IGF2BP2: variants seen among roughly 807,000 people sequenced by gnomAD.
The protein encoded by IGF2BP2 is insulin-like growth factor 2 mRNA-binding protein 2.
A neutral mutation model predicts 75.8 loss-of-function variants in IGF2BP2; 17 were observed. That is an observed-to-expected ratio of 0.22 (90% CI 0.15 to 0.34). The LOEUF (loss-of-function observed/expected upper bound fraction) is 0.34, where lower values mean the gene tolerates loss of function less well. Among genes scored for constraint, IGF2BP2 ranks in the 10% least tolerant of loss-of-function variants. The pLI is 1.00. For synonymous variants in IGF2BP2, 288 were observed against 295.6 expected (o/e 0.97, Z 0.26); for missense variants, 516 against 772.4 (o/e 0.67, Z 3.93).
intron 10 of IGF2BP2, among the ~76,000 whole-genome samples, chr3:185,669,574 A>AAAG (rs1322137606): frequency 1.0e-3 from 126 of 124,466 alleles, no homozygotes; most frequent in African/African-American, 3.5e-3. Flanking sequence ...AAAAAAAAAA[A>AAAG]GGGGGGGGGG....
intron 2 of IGF2BP2, among the ~76,000 whole-genome samples, chr3:185,792,399 G>A (rs1051021087): frequency 6.6e-6 from 1 of 152,088 alleles, no homozygotes; most frequent in Non-Finnish European, 1.5e-5. Flanking sequence ...AAGGCCCAGG[G>A]TTTGAAACCA....
At chr3:185,755,251 G>A (rs1009047340) in intron 2 of IGF2BP2, among the ~76,000 whole-genome samples, 5 of 152,192 alleles carry the variant, frequency 3.3e-5, no homozygotes, top group African/African-American at 4.8e-5. Flanking sequence ...CTCCAGCCAC[G>A]GTTCACAGGG....
chr3:185,645,563 G>A lies in IGF2BP2; in HGVS notation c.1768C>T (p.Pro590Ser), dbSNP rs1713364989. 1.9e-6 allele frequency: 3 copies of A among 1,613,552 alleles called. No homozygotes were observed. Among genetic ancestry groups the A allele is most frequent in the African/African-American group, 2.7e-5 (2 of 74,902 alleles). The stretch of plus-strand genomic sequence containing the variant: ...CTGCGCTGTGAGGCGACTCCCTGAG[G>A]GTATTTCTGCTCCTGCTGCTTCACC... ...QQVKQQEQKY[P>S]QGVASQRSK Residue 590 changes from proline to serine, a missense_variant, in exon 16 of 16, where the codon CCT becomes TCT. Physicochemically the swap from Pro to Ser is moderately conservative, Grantham distance 74. Coordinates refer to ENST00000382199, the MANE Select transcript of IGF2BP2 (RefSeq NM_006548.6). The surrounding 1 kb of genome is among the most constrained non-coding windows in gnomAD (Gnocchi z 4.9).
chr3:185,724,052 C>A (rs141425040), intron 2 of IGF2BP2, among the ~76,000 whole-genome samples: 1 of 152,160 alleles, frequency 6.6e-6, no homozygotes, highest in African/African-American at 2.4e-5. Context: ...AATGAGCATG[C>A]GGTCACAGCA....
chr3:185,734,931 G>A (rs1728659929), intron 2 of IGF2BP2, among the ~76,000 whole-genome samples: 1 of 152,176 alleles, frequency 6.6e-6, no homozygotes, highest in South Asian at 2.1e-4. Context: ...GCAGAGTGGA[G>A]ATAAGAGCAG....
At position 185,740,702 on chromosome 3, in the gene IGF2BP2, G is replaced by T. The variant is rs996428926; in HGVS notation, c.240-42355C>A. ...GAGGAAACCAAGCTCAGAACCATAGGTGTCTTACTCATAGCCATATACCTA... is the reference window on the plus strand; with the variant it reads ...GAGGAAACCAAGCTCAGAACCATAGTTGTCTTACTCATAGCCATATACCTA... On this transcript the variant is annotated intron_variant, in intron 2 of 15. Coordinates refer to ENST00000382199, the MANE Select transcript of IGF2BP2 (RefSeq NM_006548.6). 7.0e-4 allele frequency among the ~76,000 whole-genome samples: 106 copies of T among 152,076 alleles called. 1 individual carries two copies. Among genetic ancestry groups the T allele is most frequent in the Non-Finnish European group, 1.9e-4 (13 of 68,028 alleles).
chr3:185,777,642 G>C (rs1345339126), intron 2 of IGF2BP2, among the ~76,000 whole-genome samples: 2 of 152,178 alleles, frequency 1.3e-5, no homozygotes, highest in Non-Finnish European at 2.9e-5. Flanking sequence ...AATTTTCAGT[G>C]AATCAGTGAG....
intron 2 of IGF2BP2, among the ~76,000 whole-genome samples, chr3:185,750,848 T>G (rs1254272284): frequency 6.6e-6 from 1 of 152,238 alleles, no homozygotes; most frequent in Non-Finnish European, 1.5e-5. Context: ...CAGCCAAAGA[T>G]AAGCAAACCG....
At chr3:185,810,833 G>A (rs917030245) in intron 2 of IGF2BP2, among the ~76,000 whole-genome samples, 3 of 151,566 alleles carry the variant, frequency 2.0e-5, no homozygotes, top group Non-Finnish European at 4.4e-5. Flanking sequence ...AACTACTCAA[G>A]TTTTTACTTT....
At chr3:185,668,663 A>C (rs1031467337) in intron 10 of IGF2BP2, among the ~76,000 whole-genome samples, 5 of 151,400 alleles carry the variant, frequency 3.3e-5, no homozygotes, top group Admixed American at 6.6e-5. Flanking sequence ...TTTATGACAT[A>C]AGACACCACA....
chr3:185,824,414 CA>C lies in IGF2BP2; in HGVS notation c.178+368del, dbSNP rs1385681662. On this transcript the variant is annotated intron_variant, in intron 1 of 15. Transcript: ENST00000382199. ...CTGACAAAGGGGGTGACAGGAAGGT[CA>C]GGGGAGAAGTGAGACAGGGGACGCT... Among the ~76,000 whole-genome samples the C allele has an allele frequency of 4.7e-5, 6 of 128,154 alleles. No individual in the cohort carries two copies. In the Admixed American group the frequency reaches 5.1e-4, roughly 11 times the overall value. The allele number at this position is 128,154 out of a possible 152,430, so 84.1% of individuals were successfully genotyped here.
rs529092757 is a variant in IGF2BP2, at chr3:185,812,912, C to T, written c.239+10241G>A. On this transcript the variant is annotated intron_variant, in intron 2 of 15. Transcript: ENST00000382199. Reference sequence around the variant, plus strand: ...AAATTTATAAGGCAGGTATTAACACCGTGACCACAATCGATACTTGTGAAC... The same window carrying T: ...AAATTTATAAGGCAGGTATTAACACTGTGACCACAATCGATACTTGTGAAC... Among the ~76,000 whole-genome samples the T allele has an allele frequency of 1.3e-4, 20 of 152,276 alleles. No homozygotes were observed. In the South Asian group the frequency reaches 3.5e-3, roughly 27 times the overall value.
intron 2 of IGF2BP2, among the ~76,000 whole-genome samples, chr3:185,701,367 T>TCAAAA (rs1723275655): frequency 8.5e-6 from 1 of 117,142 alleles, no homozygotes; most frequent in Non-Finnish European, 1.8e-5. Context: ...ACCTGCTAAG[T>TCAAAA]AAAAAAAAAA....
chr3:185,689,509 A>T lies in IGF2BP2; in HGVS notation c.523T>A (p.Ser175Thr). The T allele has an allele frequency of 6.2e-7, 1 of 1,614,098 alleles. No homozygotes were observed. Among genetic ancestry groups the T allele is most frequent in the Non-Finnish European group, 8.5e-7 (1 of 1,179,960 alleles). The change falls in exon 6 of 16, where the codon TCT (serine) becomes ACT (threonine). Residue 175 changes from serine (S) to threonine (T), a missense_variant. By Grantham distance (58) the Ser-to-Thr change is moderately conservative. Around this residue, in one of 3 missense-constraint regions of IGF2BP2, gnomAD observed 312 missense variants for 474.5 expected, o/e 0.66. Coordinates refer to ENST00000382199, the MANE Select transcript of IGF2BP2 (RefSeq NM_006548.6). Reference sequence around the variant, plus strand: ...GGGGCGTGGCCTTGCTCCCGGGAAGAGTGGTCCCCACGCTGGGCTCGCTGA... The same window carrying T: ...GGGGCGTGGCCTTGCTCCCGGGAAGTGTGGTCCCCACGCTGGGCTCGCTGA... ...PPQRAQRGDH[S>T]SREQGHAPGG...
At chr3:185,663,326 T>C (rs1340518853) in intron 10 of IGF2BP2, among the ~76,000 whole-genome samples, 3 of 152,154 alleles carry the variant, frequency 2.0e-5, no homozygotes, top group Non-Finnish European at 4.4e-5. Context: ...GCCAGGTGTG[T>C]CCTCACTCCC....
At chr3:185,747,651 C>T (rs1730422367) in intron 2 of IGF2BP2, among the ~76,000 whole-genome samples, 2 of 151,860 alleles carry the variant, frequency 1.3e-5, no homozygotes, top group Admixed American at 1.3e-4. Flanking sequence ...TGCACGCCAG[C>T]CTGGGCGACA....
intron 2 of IGF2BP2, among the ~76,000 whole-genome samples, chr3:185,819,998 T>C (rs938646844): frequency 4.6e-5 from 7 of 152,054 alleles, no homozygotes; most frequent in African/African-American, 1.4e-4. Context: ...TTTTAACTCA[T>C]GAAAGACAAA....
intron 2 of IGF2BP2, among the ~76,000 whole-genome samples, chr3:185,700,298 A>T (rs955005911): frequency 6.6e-6 from 1 of 152,204 alleles, no homozygotes; most frequent in Non-Finnish European, 1.5e-5. Flanking sequence ...CCTTTTTATG[A>T]AATGTCACAG....
Position 185,689,423 on chromosome 3 carries a change from C to A in IGF2BP2, c.609G>T (p.Gln203His). ...DFPLRILVPT[Q>H]FVGAIIGKEG... ...CCTTTCCGATGATGGCACCAACAAA[C>A]TGGGTGGGGACCAGGATCCGCAGCG... The change falls in exon 6 of 16, where the codon CAG becomes CAT. Residue 203 changes from glutamine to histidine, a missense_variant. By Grantham distance (24) the Gln-to-His change is conservative. Transcript: ENST00000382199. The A allele has an allele frequency of 6.2e-7, 1 of 1,613,998 alleles. No individual in the cohort carries two copies. The highest frequency in any genetic ancestry group is 1.7e-5 in the Admixed American group (1 of 60,020).
Sources: allele counts gnomAD v4.1 joint callset (sites outside exome capture counted in the v4.1 genomes callset), GRCh38; gene constraint gnomAD v4.1.1; regional missense constraint gnomAD v4.1.1; non-coding constraint Gnocchi (gnomAD v3.1); transcripts MANE v1.5; gene names NCBI Gene and HGNC (gene_info 2026-07-23, HGNC 2026-07-21).